Variants in KIF16B observed in about 807,000 individuals in gnomAD.
The protein encoded by KIF16B is kinesin-like protein KIF16B.
KIF16B carries 98 observed loss-of-function variants against 156.3 expected under a neutral mutation model. The observed-to-expected ratio is 0.63, with a 90% confidence interval of 0.53 to 0.74. The LOEUF (loss-of-function observed/expected upper bound fraction) is 0.74, where lower values mean the gene tolerates loss of function less well. Ranked by LOEUF, KIF16B falls within the 30% of genes least tolerant of loss-of-function variation. The probability of loss-of-function intolerance (pLI) is 0.00; values close to 1 mark genes in which losing one functional copy is unlikely to be tolerated. For synonymous variants in KIF16B, 564 were observed against 583.7 expected (o/e 0.97, Z 0.49); for missense variants, 1,421 against 1,606.5 (o/e 0.88, Z 1.97).
chr20:16,566,471 A>G (rs1485519030), intron 1 of KIF16B, among the ~76,000 whole-genome samples: 1 of 152,268 alleles, frequency 6.6e-6, no homozygotes, highest in African/African-American at 2.4e-5. Flanking sequence ...AATTGGCGAA[A>G]GACAGCCCTG....
chr20:16,290,013 A>C (rs183397793), intron 25 of KIF16B, among the ~76,000 whole-genome samples: 11 of 152,306 alleles, frequency 7.2e-5, no homozygotes, highest in Admixed American at 3.3e-4. Flanking sequence ...TCTGATTCTC[A>C]AAAGTGCCAT....
At chr20:16,297,525 T>C (rs902096155) in intron 25 of KIF16B, among the ~76,000 whole-genome samples, 5 of 151,878 alleles carry the variant, frequency 3.3e-5, no homozygotes, top group Non-Finnish European at 7.4e-5. Context: ...TGAAACCCTA[T>C]CTCTACTAAA....
At chr20:16,427,899 C>T (rs2066398414) in intron 14 of KIF16B, among the ~76,000 whole-genome samples, 2 of 152,292 alleles carry the variant, frequency 1.3e-5, no homozygotes, top group South Asian at 4.1e-4. Context: ...GAACACCTGT[C>T]AAATAAGCCT....
intron 15 of KIF16B, among the ~76,000 whole-genome samples, chr20:16,417,680 T>C (rs553079714): frequency 3.9e-5 from 6 of 151,906 alleles, no homozygotes; most frequent in Middle Eastern, 3.4e-3. Context: ...TCAACAAAGA[T>C]AAGATATAAA....
At chr20:16,330,052 G>A (rs1436531339) in intron 24 of KIF16B, among the ~76,000 whole-genome samples, 1 of 152,094 alleles carries the variant, frequency 6.6e-6, no homozygotes, top group Non-Finnish European at 1.5e-5. Context: ...TTTTCCTTTG[G>A]TTTTTGCTTT....
chr20:16,336,606 C>T (rs56166669), intron 23 of KIF16B, among the ~76,000 whole-genome samples: 22,269 of 152,090 alleles, frequency 0.15, 1,736 homozygotes, highest in Admixed American at 0.16. Context: ...GACCCACATA[C>T]CCAACTTGGC....
chr20:16,543,988 T>C (rs2070303795), intron 1 of KIF16B, among the ~76,000 whole-genome samples: 1 of 152,160 alleles, frequency 6.6e-6, no homozygotes, highest in African/African-American at 2.4e-5. Flanking sequence ...CAGCTACATC[T>C]TCCTGGAGAG....
chr20:16,517,083 T>C (rs1347833207), intron 3 of KIF16B, among the ~76,000 whole-genome samples: 1 of 152,080 alleles, frequency 6.6e-6, no homozygotes, highest in Non-Finnish European at 1.5e-5. Context: ...AACCTGGCCA[T>C]CTCCATCTCA....
intron 12 of KIF16B, among the ~76,000 whole-genome samples, chr20:16,473,005 G>A (rs748568684): frequency 7.2e-5 from 11 of 152,148 alleles, no homozygotes; most frequent in African/African-American, 2.7e-4. Context: ...TATCTTCTAA[G>A]ACAGGTTTTT....
chr20:16,530,605 C>T (rs923159200), intron 1 of KIF16B, among the ~76,000 whole-genome samples: 3 of 152,174 alleles, frequency 2.0e-5, no homozygotes, highest in South Asian at 2.1e-4. Flanking sequence ...CTGACTGCAG[C>T]GCTAGGGGAG....
chr20:16,466,202 A>G (rs951182048), intron 12 of KIF16B, among the ~76,000 whole-genome samples: 1 of 152,248 alleles, frequency 6.6e-6, no homozygotes, highest in Non-Finnish European at 1.5e-5. Flanking sequence ...TGAGATCTGA[A>G]TTCTAGTTTC....
In KIF16B at chr20:16,379,115, C is replaced by T; in HGVS notation, c.2887G>A (p.Ala963Thr). ...EEQLAQYQAN[A>T]NQLQKLQATF... ...GCTTGGAGCTTTTGCAGCTGGTTTG[C>T]ATTGGCCTGGTACTGTGCAAGCTGT... The change falls in exon 19 of 26, where the codon GCA becomes ACA. Residue 963 changes from alanine to threonine, a missense_variant. Transcript: ENST00000354981. The T allele has an allele frequency of 6.2e-7, 1 of 1,613,802 alleles. No individual in the cohort carries two copies. The highest frequency in any genetic ancestry group is 2.2e-5 in the East Asian group (1 of 44,888).
intron 25 of KIF16B, among the ~76,000 whole-genome samples, chr20:16,286,550 C>T (rs2063225311): frequency 1.3e-5 from 2 of 151,954 alleles, no homozygotes; most frequent in South Asian, 4.1e-4. Flanking sequence ...TTCTAGTATC[C>T]TTAAACATCG....
In KIF16B at chr20:16,551,603, A is replaced by T. The variant is rs192262124; in HGVS notation, c.47+21626T>A. Reference sequence around the variant, plus strand: ...GCTGTAAAGCAGGGACAATAATAGCAGGTTCTTATCATTGAAGAATTCATC... The same window carrying T: ...GCTGTAAAGCAGGGACAATAATAGCTGGTTCTTATCATTGAAGAATTCATC... On this transcript the variant is annotated intron_variant, in intron 1 of 25. Transcript: ENST00000354981. 1.3e-3 allele frequency among the ~76,000 whole-genome samples: 197 copies of T among 152,348 alleles called. 1 individual carries two copies. Among genetic ancestry groups the T allele is most frequent in the African/African-American group, 4.6e-3 (191 of 41,570 alleles).
chr20:16,324,552 C>T (rs1275323982), intron 24 of KIF16B, among the ~76,000 whole-genome samples: 1 of 151,954 alleles, frequency 6.6e-6, no homozygotes, highest in Non-Finnish European at 1.5e-5. Context: ...TAATAAAGTC[C>T]ACATCTTTGG....
At chr20:16,551,406 G>A (rs148823840) in intron 1 of KIF16B, among the ~76,000 whole-genome samples, 1,611 of 152,324 alleles carry the variant, frequency 0.011, 11 homozygotes, top group Middle Eastern at 0.017. Flanking sequence ...TGGGATTACA[G>A]GCATGAGCCA....
chr20:16,508,719 G>C (rs1236427266), intron 6 of KIF16B, among the ~76,000 whole-genome samples: 1 of 152,100 alleles, frequency 6.6e-6, no homozygotes, highest in African/African-American at 2.4e-5. Context: ...TGCAGCCCGG[G>C]GGTTAGAGGC....
chr20:16,521,953 T>G (rs2069368082), intron 3 of KIF16B, among the ~76,000 whole-genome samples: 1 of 152,100 alleles, frequency 6.6e-6, no homozygotes, highest in Admixed American at 6.5e-5. Context: ...ATAAAATCCT[T>G]TACAGACAAG....
At chr20:16,499,820 C>T (rs1038477011) in intron 10 of KIF16B, among the ~76,000 whole-genome samples, 1 of 152,154 alleles carries the variant, frequency 6.6e-6, no homozygotes, top group Non-Finnish European at 1.5e-5. Context: ...TAAAGAACGA[C>T]CTTCCTAAAT....
Sources: allele counts gnomAD v4.1 joint callset (sites outside exome capture counted in the v4.1 genomes callset), GRCh38; gene constraint gnomAD v4.1.1; transcripts MANE v1.5; gene names NCBI Gene and HGNC (gene_info 2026-07-23, HGNC 2026-07-21).